NDFIP2: variants seen among roughly 807,000 people sequenced by gnomAD.
NDFIP2 encodes the protein Nedd4 family interacting protein 2.
A neutral mutation model predicts 36.0 loss-of-function variants in NDFIP2; 19 were observed. The ratio of observed to expected loss-of-function variants is 0.53; its 90% confidence interval spans 0.37 to 0.77. NDFIP2 has a LOEUF of 0.77. NDFIP2 is among the 30% of genes least tolerant of loss of function. The pLI is 0.00. For missense variants in NDFIP2, 446 were observed against 435.8 expected, an observed-to-expected ratio of 1.02 and a Z score of -0.21; for synonymous variants, 181 against 167.7, an observed-to-expected ratio of 1.08 and a Z score of -0.61.
intron 1 of NDFIP2, among the ~76,000 whole-genome samples, chr13:79,485,853 T>C (rs1872963019): frequency 1.3e-5 from 2 of 152,204 alleles, no homozygotes; most frequent in South Asian, 4.1e-4. Flanking sequence ...TCCTTAAATA[T>C]TGATGCATTA....
At chr13:79,521,645 C>T (rs1488060814) in intron 2 of NDFIP2, among the ~76,000 whole-genome samples, 2 of 152,086 alleles carry the variant, frequency 1.3e-5, no homozygotes, top group East Asian at 3.9e-4. Context: ...ATCTACTGCT[C>T]TCAAATTAAT....
Position 79,548,363 on chromosome 13 carries a change from G to T in NDFIP2, c.876G>T (p.Gln292His). 1 of 1,594,830 alleles carries T rather than the reference G, an allele frequency of 6.3e-7. No individual in the cohort carries two copies. Among genetic ancestry groups the T allele is most frequent in the Non-Finnish European group, 8.6e-7 (1 of 1,168,292 alleles). ...ATTTTACTGGATATTTCAATGGACA[G>T]TATTGGCTTTGGTGGATATTTCTTG... ...SDYFTGYFNG[Q>H]YWLWWIFLVL... The change falls in exon 6 of 8, where the codon CAG becomes CAT. Residue 292 changes from glutamine to histidine, a missense_variant. Gln to His is a conservative substitution (Grantham distance 24). This residue lies in a region of NDFIP2 where 77 missense variants were observed against 131.0 expected (regional missense o/e 0.59). Transcript: ENST00000218652.
chr13:79,481,258 A>G lies in NDFIP2; in HGVS notation c.55A>G (p.Ser19Gly). ...VCASGPSMLN[S>G]ARGAPELLRG... ...CGCGAGCGGTCCGAGCATGCTCAATAGCGCGCGCGGCGCCCCGGAGCTTCT... is the reference window on the plus strand; with the variant it reads ...CGCGAGCGGTCCGAGCATGCTCAATGGCGCGCGCGGCGCCCCGGAGCTTCT... Residue 19 changes from serine to glycine, a missense_variant, in exon 1 of 8, where the codon AGC becomes GGC. Transcript: ENST00000218652. 2 of 1,536,026 alleles carry G rather than the reference A, an allele frequency of 1.3e-6. No individual in the cohort carries two copies. The highest frequency in any genetic ancestry group is 1.7e-6 in the Non-Finnish European group (2 of 1,146,096).
At chr13:79,536,399 A>G (rs1594857046) in intron 3 of NDFIP2, among the ~76,000 whole-genome samples, 1 of 152,208 alleles carries the variant, frequency 6.6e-6, no homozygotes. Flanking sequence ...AGTCAATGAC[A>G]GTTGATTAAG....
At chr13:79,515,799 T>C (rs948831635) in intron 1 of NDFIP2, among the ~76,000 whole-genome samples, 5 of 152,160 alleles carry the variant, frequency 3.3e-5, no homozygotes, top group South Asian at 2.1e-4. Context: ...CACCTTCTTC[T>C]TGGGTAACTT....
chr13:79,490,033 C>T (rs904065801), intron 1 of NDFIP2, among the ~76,000 whole-genome samples: 3 of 152,176 alleles, frequency 2.0e-5, no homozygotes, highest in Admixed American at 2.0e-4. Flanking sequence ...GTCTCCATGT[C>T]AGGACATGCT....
chr13:79,511,753 A>G (rs571814774), intron 1 of NDFIP2, among the ~76,000 whole-genome samples: 18 of 152,296 alleles, frequency 1.2e-4, no homozygotes, highest in African/African-American at 4.3e-4. Flanking sequence ...TGAACAAAGC[A>G]TATTTCCTAA....
chr13:79,483,835 A>G (rs1400165228), intron 1 of NDFIP2, among the ~76,000 whole-genome samples: 1 of 152,160 alleles, frequency 6.6e-6, no homozygotes, highest in Non-Finnish European at 1.5e-5. Flanking sequence ...TTAGAGCTAC[A>G]AAAATTCTTG....
chr13:79,539,104 C>T (rs1447811544), intron 3 of NDFIP2, among the ~76,000 whole-genome samples: 1 of 152,186 alleles, frequency 6.6e-6, no homozygotes, highest in East Asian at 1.9e-4. Flanking sequence ...GAATTGTCTC[C>T]TAACATAGTC....
Position 79,503,106 on chromosome 13 carries a change from A to G in NDFIP2, c.322-17704A>G, listed in dbSNP as rs185227057. On this transcript the variant is annotated intron_variant, in intron 1 of 7. Transcript: ENST00000218652. Reference sequence around the variant, plus strand: ...TAAGTTTAGAGCTGCAGAGGAGAGAAGTTGAAGGAATTTTTGCTTGAAAGC... The same window carrying G: ...TAAGTTTAGAGCTGCAGAGGAGAGAGGTTGAAGGAATTTTTGCTTGAAAGC... 3.3e-5 allele frequency among the ~76,000 whole-genome samples: 5 copies of G among 152,264 alleles called. No individual in the cohort carries two copies. In the East Asian group the frequency reaches 9.7e-4, roughly 29 times the overall value.
chr13:79,512,451 G>GA (rs929259200), intron 1 of NDFIP2, among the ~76,000 whole-genome samples: 252 of 143,182 alleles, frequency 1.8e-3, no homozygotes, highest in African/African-American at 4.1e-3. Context: ...GGCTTTTGAG[G>GA]AAAAAAAAAA....
intron 2 of NDFIP2, 113 bp downstream of exon 2, chr13:79,521,088 TTA>T: frequency 1.2e-6 from 1 of 835,338 alleles, no homozygotes; most frequent in East Asian, 2.7e-5. Flanking sequence ...ACATGGATAT[TTA>T]TATATGTATA....
At chr13:79,527,405 T>C (rs1874844063) in intron 2 of NDFIP2, among the ~76,000 whole-genome samples, 1 of 152,330 alleles carries the variant, frequency 6.6e-6, no homozygotes, top group South Asian at 2.1e-4. Context: ...TTCCAAAATA[T>C]GTTAAAAATA....
chr13:79,528,762 C>G (rs1490942493), intron 2 of NDFIP2, among the ~76,000 whole-genome samples: 1 of 152,094 alleles, frequency 6.6e-6, no homozygotes, highest in Non-Finnish European at 1.5e-5. Context: ...GGTTTGTAGT[C>G]GGTGAGCAAT....
At chr13:79,482,166 TTTC>T (rs1457949337) in intron 1 of NDFIP2, among the ~76,000 whole-genome samples, 68 of 103,384 alleles carry the variant, frequency 6.6e-4, no homozygotes, top group East Asian at 4.5e-3. Flanking sequence ...TCTTTCTTTC[TTTC>T]TTTTTTTTTT....
chr13:79,526,621 G>A (rs1318427139), intron 2 of NDFIP2, among the ~76,000 whole-genome samples: 1 of 152,026 alleles, frequency 6.6e-6, no homozygotes, highest in African/African-American at 2.4e-5. Context: ...TTAGATAAAG[G>A]GTAACACAAG....
At chr13:79,542,958 C>T (rs1875517573) in intron 4 of NDFIP2, among the ~76,000 whole-genome samples, 1 of 151,736 alleles carries the variant, frequency 6.6e-6, no homozygotes, top group East Asian at 1.9e-4. Flanking sequence ...CCCACTGCAA[C>T]CTCTACCTCC....
At chr13:79,539,588 G>T in intron 3 of NDFIP2, 94 bp from the exon 4 acceptor site, 13 of 953,698 alleles carry the variant, frequency 1.4e-5, no homozygotes, top group Non-Finnish European at 1.8e-5. Context: ...ACAACAAATT[G>T]AGAACATTAG....
Position 79,551,017 on chromosome 13 carries a change from G to A in NDFIP2, c.908G>A (p.Gly303Asp). Residue 303 changes from glycine (G) to aspartate (D), a missense_variant and splice_region_variant, in exon 7 of 8, where the codon GGC (glycine) becomes GAC (aspartate). This residue lies in a region of NDFIP2 where 77 missense variants were observed against 131.0 expected (regional missense o/e 0.59). Transcript: ENST00000218652. ...ATCCATATTATTTCAACCTTCTCAG[G>A]CCTGCTCCTTTTCTTCAGAGGATTT... ...YWLWWIFLVLGLLLFFRGFVN... is the reference protein window; with the variant it reads ...YWLWWIFLVLDLLLFFRGFVN... The A allele has an allele frequency of 1.3e-6, 2 of 1,586,546 alleles. No individual in the cohort carries two copies. Among genetic ancestry groups the A allele is most frequent in the Non-Finnish European group, 1.7e-6 (2 of 1,163,192 alleles).
Sources: allele counts gnomAD v4.1 joint callset (sites outside exome capture counted in the v4.1 genomes callset), GRCh38; gene constraint gnomAD v4.1.1; regional missense constraint gnomAD v4.1.1; transcripts MANE v1.5; gene names NCBI Gene and HGNC (gene_info 2026-07-23, HGNC 2026-07-21).